The following METTL24 variants were observed in gnomAD, a reference collection of about 807,000 sequenced individuals.
The protein encoded by METTL24 is probable methyltransferase-like protein 24.
In METTL24, 29 loss-of-function variants were observed where a neutral mutation model predicts 32.7. The ratio of observed to expected loss-of-function variants is 0.89; its 90% CI spans 0.66 to 1.21. METTL24 has a LOEUF of 1.21. METTL24 is among the 50% of genes most tolerant of loss of function. METTL24 has a pLI of 0.00. For synonymous variants in METTL24, 163 were observed against 179.5 expected, an observed-to-expected ratio of 0.91 and a Z score of 0.73; for missense variants, 439 against 468.1, an observed-to-expected ratio of 0.94 and a Z score of 0.57.
chr6:110,328,873 AC>A (rs1772063311), intron 1 of METTL24, among the ~76,000 whole-genome samples: 1 of 152,212 alleles, frequency 6.6e-6, no homozygotes. Flanking sequence ...ATTTGGAATA[AC>A]AGCTTCCTCC....
intron 2 of METTL24, 100 bp downstream of exon 2, chr6:110,322,674 C>T: frequency 1.1e-6 from 1 of 900,954 alleles, no homozygotes; most frequent in Non-Finnish European, 1.7e-6. Context: ...ATCAAGTCCT[C>T]ATCAGGAGTC....
At chr6:110,319,270 ATGTGTGTGTG>A (rs58600122) in intron 2 of METTL24, among the ~76,000 whole-genome samples, 2 of 148,476 alleles carry the variant, frequency 1.3e-5, no homozygotes, top group African/African-American at 4.9e-5. Context: ...CTGTGTGTGT[ATGTGTGTGTG>A]TGTGTGTGTG....
chr6:110,281,656 A>AG (rs1392872804), intron 4 of METTL24, among the ~76,000 whole-genome samples: 1 of 151,968 alleles, frequency 6.6e-6, no homozygotes. Context: ...CTCAAAAAAA[A>AG]AAAAAAGGAG....
intron 1 of METTL24, among the ~76,000 whole-genome samples, chr6:110,325,384 T>G (rs1014711626): frequency 6.6e-6 from 1 of 152,226 alleles, no homozygotes; most frequent in Non-Finnish European, 1.5e-5. Flanking sequence ...AGACAGTAAG[T>G]AAACAAATGG....
chr6:110,305,478 C>T (rs1274859547), intron 3 of METTL24, among the ~76,000 whole-genome samples: 3 of 151,350 alleles, frequency 2.0e-5, no homozygotes, highest in African/African-American at 4.9e-5. Flanking sequence ...AACAAATTTA[C>T]AAGAAAAAAA....
intron 4 of METTL24, among the ~76,000 whole-genome samples, chr6:110,267,457 T>TA (rs781470705): frequency 2.5e-4 from 38 of 152,304 alleles, no homozygotes; most frequent in East Asian, 3.9e-4. Context: ...ATAGATTAGA[T>TA]AAAAAAACTT....
chr6:110,312,039 G>A (rs1313825838), intron 3 of METTL24, among the ~76,000 whole-genome samples: 1 of 152,090 alleles, frequency 6.6e-6, no homozygotes, highest in Non-Finnish European at 1.5e-5. Flanking sequence ...CTGTGCAGAA[G>A]CTTTTTGGTT....
At chr6:110,353,261 T>G (rs1772643625) in intron 1 of METTL24, among the ~76,000 whole-genome samples, 1 of 152,230 alleles carries the variant, frequency 6.6e-6, no homozygotes, top group African/African-American at 2.4e-5. Flanking sequence ...GAGGACTGAT[T>G]AATGTTGCTC....
chr6:110,292,317 A>G (rs1771334621), intron 4 of METTL24, among the ~76,000 whole-genome samples: 1 of 152,274 alleles, frequency 6.6e-6, no homozygotes, highest in Non-Finnish European at 1.5e-5. Flanking sequence ...TGCCCTGCAG[A>G]AAGGCTGTAG....
chr6:110,351,832 G>A (rs1772609774), intron 1 of METTL24, among the ~76,000 whole-genome samples: 1 of 152,164 alleles, frequency 6.6e-6, no homozygotes, highest in African/African-American at 2.4e-5. Flanking sequence ...GAAGATCAAA[G>A]AATTCAGAAA....
Position 110,357,937 on chromosome 6 carries a change from G to T in METTL24, c.318+18C>A, listed in dbSNP as rs758512232. 3 of 1,207,708 alleles carry T rather than the reference G, an allele frequency of 2.5e-6. No homozygotes were observed. The highest frequency in any genetic ancestry group is 3.9e-5 in the South Asian group (1 of 25,830). 74.8% of individuals were successfully genotyped at this position (1,207,708 alleles called of 1,614,324 possible). A position where few individuals can be genotyped will look rare whatever the true frequency, so the allele number is the denominator to read the frequency against. ...GGCTTCTGGTCCCAGGCCCAAGACC[G>T]ACCGCTTTGCAACTGACCTTCCGGC... On this transcript the variant is annotated intron_variant, in intron 1 of 4. Transcript: ENST00000338882.
chr6:110,336,717 C>T (rs144787564), intron 1 of METTL24, among the ~76,000 whole-genome samples: 6,467 of 138,354 alleles, frequency 0.047, 211 homozygotes, highest in Non-Finnish European at 0.069. Flanking sequence ...CCAGCCTGGG[C>T]GACACAGCAA....
At chr6:110,295,404 G>A (rs1771395121) in intron 4 of METTL24, among the ~76,000 whole-genome samples, 1 of 152,184 alleles carries the variant, frequency 6.6e-6, no homozygotes, top group South Asian at 2.1e-4. Flanking sequence ...AGTGGACACT[G>A]AGCCTTGGCC....
intron 4 of METTL24, among the ~76,000 whole-genome samples, chr6:110,266,107 A>G (rs1562220261): frequency 6.6e-6 from 1 of 151,768 alleles, no homozygotes; most frequent in Non-Finnish European, 1.5e-5. Context: ...GTCTTATTAT[A>G]TTACCCAAGC....
At chr6:110,289,120 C>T (rs1353606421) in intron 4 of METTL24, among the ~76,000 whole-genome samples, 3 of 152,066 alleles carry the variant, frequency 2.0e-5, no homozygotes, top group African/African-American at 7.3e-5. Context: ...TGCAAAGTCA[C>T]TAGGCAGAGA....
At chr6:110,334,054 G>C (rs190976407) in intron 1 of METTL24, among the ~76,000 whole-genome samples, 4 of 150,624 alleles carry the variant, frequency 2.7e-5, no homozygotes, top group Non-Finnish European at 5.9e-5. Context: ...GAAAAAAAGT[G>C]GGGGGAGGAA....
At chr6:110,326,922 A>T (rs1469165274) in intron 1 of METTL24, among the ~76,000 whole-genome samples, 1 of 152,194 alleles carries the variant, frequency 6.6e-6, no homozygotes, top group Non-Finnish European at 1.5e-5. Context: ...AGCAGGGGCA[A>T]ATGGAAGGCT....
At chr6:110,295,786 AAAG>A (rs1359284155) in intron 4 of METTL24, among the ~76,000 whole-genome samples, 3 of 99,210 alleles carry the variant, frequency 3.0e-5, no homozygotes, top group African/African-American at 2.0e-4. Context: ...GAAAGAAAAG[AAAG>A]AAAGAAAGGA....
rs143945584 is a variant in METTL24 at position 110,331,686 on chromosome 6, A to G, written c.319-8814T>C. ...AAAAAAAAAAAAAAAAAAAAGGAAG[A>G]AAGAATGACTGAAAGACCCCCCAAA... is the stretch of plus-strand genomic sequence containing the variant. On this transcript the variant is annotated intron_variant, in intron 1 of 4. Transcript: ENST00000338882. 9.3e-3 allele frequency among the ~76,000 whole-genome samples: 1,407 copies of G among 151,038 alleles called. 19 individuals carry two copies. The highest frequency in any genetic ancestry group is 0.033 in the African/African-American group (1,347 of 40,852).
Sources: allele counts gnomAD v4.1 joint callset (sites outside exome capture counted in the v4.1 genomes callset), GRCh38; gene constraint gnomAD v4.1.1; transcripts MANE v1.5; gene names NCBI Gene and HGNC (gene_info 2026-07-23, HGNC 2026-07-21).